Variants in STK36 observed in about 807,000 individuals in gnomAD.
STK36 encodes the protein serine/threonine-protein kinase 36.
In STK36, 116 loss-of-function variants were observed where a neutral mutation model predicts 142.2. That is an observed-to-expected ratio of 0.82 (90% CI 0.70 to 0.95). The LOEUF is 0.95. Among genes scored for constraint, STK36 ranks in the 40% least tolerant of loss-of-function variants. The probability of loss-of-function intolerance (pLI) is 0.00; values close to 1 mark genes in which losing one functional copy is unlikely to be tolerated. For synonymous variants in STK36, 619 were observed against 641.7 expected, an observed-to-expected ratio of 0.96 and a Z score of 0.53; for missense variants, 1,422 against 1,617.2, an observed-to-expected ratio of 0.88 and a Z score of 2.07.
Position 218,697,923 on chromosome 2 carries a change from G to T in STK36, c.2979G>T (p.Ala993=), listed in dbSNP as rs781197058. 6.2e-7 allele frequency: 1 copy of T among 1,614,126 alleles called. No individual in the cohort carries two copies. The highest frequency in any genetic ancestry group is 2.2e-5 in the East Asian group (1 of 44,878). Residue 993 remains alanine, a synonymous_variant, in exon 25 of 27, where the codon GCG becomes GCT. Transcript: ENST00000295709. ...GCCAGCTCCTTTGCTTCCCCTTTGC[G>T]CTGGACATGGATGCTGACCTCCTTA... ...SVCQLLCFPF[A]LDMDADLLIG...
intron 24 of STK36, 81 bp from the exon 25 acceptor site, chr2:218,697,773 G>C: frequency 7.5e-6 from 12 of 1,604,846 alleles, no homozygotes; most frequent in Non-Finnish European, 8.5e-6. Context: ...GGGGAGTTGG[G>C]CAAAGGAATT....
At chr2:218,684,587 A>G (rs1168853026) in intron 10 of STK36, 2 of 149,052 alleles carry the variant, frequency 1.3e-5, no homozygotes, top group East Asian at 4.0e-4. Flanking sequence ...CACCCAGCTA[A>G]TTTTTGTATT....
Position 218,680,090 on chromosome 2 carries a change from G to GTA in STK36, c.1136+13_1136+14dup. ...TGCCCTCTGCACCTCGGTGAGAAGG[G>GTA]TATAGTTAGGGATTTGTAGGGTGAG... is the stretch of plus-strand genomic sequence containing the variant. On this transcript the variant is annotated intron_variant, in intron 9 of 26. Coordinates refer to ENST00000295709, the MANE Select transcript of STK36 (RefSeq NM_015690.5). 1 of 1,613,060 alleles carries GTA rather than the reference G, an allele frequency of 6.2e-7. No homozygotes were observed. The highest frequency in any genetic ancestry group is 8.5e-7 in the Non-Finnish European group (1 of 1,179,514).
chr2:218,679,927 AG>A lies in STK36; in HGVS notation c.985del (p.Asp329ThrfsTer30). ...AACACAGGACCTGCCCTTGAGCAAG[AG>A]GACAAGACCAGCAAGGTGGCTCCTG... ...HQNTGPALEQ[E>X]DKTSKVAPGT... is the part of the protein sequence containing the mutation. On this transcript the variant is annotated frameshift_variant, in exon 9 of 27. Transcript: ENST00000295709. LOFTEE classifies it high-confidence loss of function. 1 of 1,614,142 alleles carries A rather than the reference AG, an allele frequency of 6.2e-7. No individual in the cohort carries two copies. Among genetic ancestry groups the A allele is most frequent in the Non-Finnish European group, 8.5e-7 (1 of 1,179,992 alleles).
Position 218,698,880 on chromosome 2 carries a change from G to T in STK36, c.3336G>T (p.Arg1112=). ...TGGCTGGCTCTGATGAATCCTATCGGCCCCTGCGCAGCCTCCTGGGCCACC... is the reference window on the plus strand; with the variant it reads ...TGGCTGGCTCTGATGAATCCTATCGTCCCCTGCGCAGCCTCCTGGGCCACC... ...ELLAGSDESY[R]PLRSLLGHPE... Residue 1112 remains arginine, a synonymous_variant, in exon 26 of 27, where the codon CGG becomes CGT. Transcript: ENST00000295709. 6.2e-7 allele frequency: 1 copy of T among 1,614,170 alleles called. No individual in the cohort carries two copies. The highest frequency in any genetic ancestry group is 1.1e-5 in the South Asian group (1 of 91,088).
intron 17 of STK36, 135 bp from the exon 18 acceptor site, chr2:218,693,588 G>A (rs1575138997): frequency 1.1e-6 from 1 of 888,974 alleles, no homozygotes; most frequent in East Asian, 2.4e-5. Flanking sequence ...GCAAGAGGCA[G>A]AAGGGGGTTC....
At chr2:218,673,013 C>G (rs1940057870) in intron 2 of STK36, 100 bp downstream of exon 2, 1 of 1,095,414 alleles carries the variant, frequency 9.1e-7, no homozygotes, top group South Asian at 1.3e-5. Context: ...GTTTGTATTC[C>G]TAAGGTACTG....
At chr2:218,681,627 G>C (rs559968534) in intron 10 of STK36, among the ~76,000 whole-genome samples, 12 of 152,304 alleles carry the variant, frequency 7.9e-5, no homozygotes, top group African/African-American at 2.6e-4. Context: ...CTGGAGTCTG[G>C]AAAGTTCAAG....
chr2:218,698,528 C>T, intron 25 of STK36, 74 bp from the exon 26 acceptor site: 1 of 1,537,740 alleles, frequency 6.5e-7, no homozygotes. Flanking sequence ...TTTTCTCTCT[C>T]CCAGGTTTTG....
chr2:218,695,556 C>T lies in STK36; in HGVS notation c.2511+921C>T, dbSNP rs1197924105. Among the ~76,000 whole-genome samples the T allele has an allele frequency of 3.5e-3, 267 of 76,500 alleles. 2 individuals carry two copies. The highest frequency in any genetic ancestry group is 0.019 in the African/African-American group (249 of 12,950). The allele number at this position is 76,500 out of a possible 152,430, so 50.2% of individuals were successfully genotyped here. A position where few individuals can be genotyped will look rare whatever the true frequency, so the allele number is the denominator to read the frequency against. The stretch of plus-strand genomic sequence containing the variant: ...TTTTTTTTTTTTTTTTTTTTTGAGA[C>T]GGAGTCTTATTCTGTCGCCCAGGCT... On this transcript the variant is annotated intron_variant, in intron 21 of 26. Transcript: ENST00000295709.
chr2:218,680,197 C>A, intron 9 of STK36, 117 bp downstream of exon 9: 4 of 948,626 alleles, frequency 4.2e-6, no homozygotes, highest in South Asian at 1.7e-5. Flanking sequence ...ATGGATAGAG[C>A]CTCGAGAGTC....
chr2:218,697,942 C>G lies in STK36; in HGVS notation c.2998C>G (p.Leu1000Val). 3 of 1,614,192 alleles carry G rather than the reference C, an allele frequency of 1.9e-6. No homozygotes were observed. Among genetic ancestry groups the G allele is most frequent in the Non-Finnish European group, 2.5e-6 (3 of 1,180,030 alleles). ...FPFALDMDAD[L>V]LIGVLADLRD... ...CTTTGCGCTGGACATGGATGCTGACCTCCTTATAGGTGTCTTGGCCGACCT... is the reference window on the plus strand; with the variant it reads ...CTTTGCGCTGGACATGGATGCTGACGTCCTTATAGGTGTCTTGGCCGACCT... Residue 1000 changes from leucine to valine, a missense_variant, in exon 25 of 27, where the codon CTC becomes GTC. Leu to Val is a conservative substitution (Grantham distance 32). This residue lies in a region of STK36 where 962 missense variants were observed against 1,167.5 expected (regional missense o/e 0.82). Coordinates refer to ENST00000295709, the MANE Select transcript of STK36 (RefSeq NM_015690.5).
At chr2:218,678,368 A>T (rs35472563) in intron 6 of STK36, among the ~76,000 whole-genome samples, 2 of 152,172 alleles carry the variant, frequency 1.3e-5, no homozygotes, top group Admixed American at 1.3e-4. Flanking sequence ...AGGGACAACA[A>T]ATTCCTCCCC....
chr2:218,686,516 A>G (rs1940785215), intron 11 of STK36, among the ~76,000 whole-genome samples: 1 of 151,528 alleles, frequency 6.6e-6, no homozygotes, highest in South Asian at 2.1e-4. Flanking sequence ...TAATCCTCCC[A>G]CCTTGGCCTC....
At chr2:218,689,985 G>T in intron 13 of STK36, 29 bp downstream of exon 13, 1 of 1,549,838 alleles carries the variant, frequency 6.5e-7, no homozygotes, top group South Asian at 1.2e-5. Context: ...TTGCATTGTT[G>T]GCAAGTTTGG....
chr2:218,675,431 T>A lies in STK36; in HGVS notation c.392T>A (p.Ile131Asn). The A allele has an allele frequency of 6.2e-7, 1 of 1,612,712 alleles. No homozygotes were observed. Among genetic ancestry groups the A allele is most frequent in the South Asian group, 1.1e-5 (1 of 91,006 alleles). ...CACCGAGATATGAAGCCTCAGAACA[T>A]CCTCCTCGCCAAGGGTGGTGGCATC... ...ILHRDMKPQN[I>N]LLAKGGGIKL... Residue 131 changes from isoleucine (I) to asparagine (N), a missense_variant, in exon 5 of 27, where the codon ATC (isoleucine) becomes AAC (asparagine). By Grantham distance (149) the Ile-to-Asn change is moderately radical. Coordinates refer to ENST00000295709, the MANE Select transcript of STK36 (RefSeq NM_015690.5).
intron 8 of STK36, 78 bp downstream of exon 8, chr2:218,679,807 G>A: frequency 1.9e-6 from 3 of 1,607,528 alleles, no homozygotes; most frequent in Non-Finnish European, 2.6e-6. Context: ...GACTTTCTAG[G>A]GTTGGAGAAG....
chr2:218,677,559 G>A (rs1940312955), intron 6 of STK36, among the ~76,000 whole-genome samples: 1 of 152,186 alleles, frequency 6.6e-6, no homozygotes, highest in South Asian at 2.1e-4. Context: ...GAAGATACTA[G>A]AGATCGATAC....
chr2:218,696,472 A>C, intron 21 of STK36, 55 bp from the exon 22 acceptor site: 2 of 1,529,814 alleles, frequency 1.3e-6, no homozygotes, highest in Non-Finnish European at 1.8e-6. Context: ...GCCTTGGTTT[A>C]ACGGACACCC....
Sources: allele counts gnomAD v4.1 joint callset (sites outside exome capture counted in the v4.1 genomes callset), GRCh38; gene constraint gnomAD v4.1.1; regional missense constraint gnomAD v4.1.1; transcripts MANE v1.5; gene names NCBI Gene and HGNC (gene_info 2026-07-23, HGNC 2026-07-21).